Variants in CNTNAP2 observed in about 807,000 individuals in gnomAD.
CNTNAP2 encodes contactin-associated protein-like 2.
A neutral mutation model predicts 155.2 loss-of-function variants in CNTNAP2; 98 were observed. The ratio of observed to expected loss-of-function variants is 0.63; its 90% CI spans 0.54 to 0.75. CNTNAP2 has a LOEUF of 0.75. CNTNAP2 is among the 30% of genes least tolerant of loss of function. CNTNAP2 has a pLI of 0.00. For synonymous variants in CNTNAP2, 651 were observed against 631.2 expected, an observed-to-expected ratio of 1.03 and a Z score of -0.47; for missense variants, 1,727 against 1,688.1, an observed-to-expected ratio of 1.02 and a Z score of -0.40.
At chr7:147,273,474 T>A (rs961656322) in intron 8 of CNTNAP2, among the ~76,000 whole-genome samples, 6 of 152,032 alleles carry the variant, frequency 3.9e-5, no homozygotes, top group African/African-American at 1.4e-4. Flanking sequence ...TAGTGATCAT[T>A]GTATCCAACA....
intron 12 of CNTNAP2, among the ~76,000 whole-genome samples, chr7:147,604,728 T>TGAAATTTAGACAAC (rs1229435667): frequency 3.3e-5 from 5 of 152,182 alleles, no homozygotes; most frequent in Non-Finnish European, 7.3e-5. Flanking sequence ...ACTCTGGCAC[T>TGAAATTTAGACAAC]TCTGAAATTT....
intron 20 of CNTNAP2, among the ~76,000 whole-genome samples, chr7:148,260,761 C>G (rs1452945321): frequency 1.3e-5 from 2 of 152,186 alleles, no homozygotes; most frequent in African/African-American, 4.8e-5. Flanking sequence ...CCTGTCTCCT[C>G]TGACAGTCTC....
chr7:147,741,170 G>A (rs1359713854), intron 13 of CNTNAP2, among the ~76,000 whole-genome samples: 2 of 152,178 alleles, frequency 1.3e-5, no homozygotes, highest in Non-Finnish European at 2.9e-5. Context: ...AGAGATTTGG[G>A]TCATTACAGC....
chr7:147,685,616 C>A (rs1213445157), intron 13 of CNTNAP2, among the ~76,000 whole-genome samples: 3 of 151,632 alleles, frequency 2.0e-5, no homozygotes, highest in South Asian at 2.1e-4. Context: ...AAACAGATGA[C>A]AAATCGTCAC....
chr7:147,278,921 T>C (rs77765289), intron 8 of CNTNAP2, among the ~76,000 whole-genome samples: 1,643 of 151,560 alleles, frequency 0.011, 34 homozygotes, highest in African/African-American at 0.037. Flanking sequence ...AAATGGAGCT[T>C]ACATTTTTAA....
chr7:147,857,986 T>C (rs1799069003), intron 13 of CNTNAP2, among the ~76,000 whole-genome samples: 2 of 152,224 alleles, frequency 1.3e-5, no homozygotes, highest in Non-Finnish European at 2.9e-5. Flanking sequence ...GTACGATCTT[T>C]TTAAAACTAT....
intron 1 of CNTNAP2, among the ~76,000 whole-genome samples, chr7:146,317,991 A>T (rs923178046): frequency 6.6e-6 from 1 of 152,088 alleles, no homozygotes; most frequent in Non-Finnish European, 1.5e-5. Flanking sequence ...AATACAAAAA[A>T]TTAGCCAGGT....
At position 146,224,331 on chromosome 7, in the gene CNTNAP2, C is replaced by T. The variant is rs1033154560; in HGVS notation, c.97+107358C>T. 7.3e-5 allele frequency among the ~76,000 whole-genome samples: 11 copies of T among 151,496 alleles called. 1 individual carries two copies. Among genetic ancestry groups the T allele is most frequent in the Middle Eastern group, 6.8e-3 (2 of 294 alleles). On this transcript the variant is annotated intron_variant, in intron 1 of 23. Coordinates refer to ENST00000361727, the MANE Select transcript of CNTNAP2 (RefSeq NM_014141.6). ...TACTCTTATAAGATGTTATAATTGA[C>T]GGTTTTATTGTAATACAATAGCGAT...
chr7:147,753,599 G>GA (rs141642745), intron 13 of CNTNAP2, among the ~76,000 whole-genome samples: 3,075 of 152,228 alleles, frequency 0.02, 78 homozygotes, highest in African/African-American at 0.069. Context: ...AAGAAATTTG[G>GA]AAAAAATTTA....
At chr7:146,940,735 A>T (rs1440304658) in intron 3 of CNTNAP2, among the ~76,000 whole-genome samples, 2 of 151,908 alleles carry the variant, frequency 1.3e-5, no homozygotes, top group Admixed American at 6.6e-5. Flanking sequence ...GTGTATATAT[A>T]TACACACACA....
intron 1 of CNTNAP2, among the ~76,000 whole-genome samples, chr7:146,438,041 C>T (rs908336193): frequency 2.0e-5 from 3 of 151,386 alleles, no homozygotes; most frequent in Non-Finnish European, 4.4e-5. Flanking sequence ...ATAGGGTTAA[C>T]AATATACACA....
At chr7:146,190,879 A>T (rs1166392418) in intron 1 of CNTNAP2, among the ~76,000 whole-genome samples, 1 of 152,150 alleles carries the variant, frequency 6.6e-6, no homozygotes, top group East Asian at 1.9e-4. Flanking sequence ...AATGTCATTC[A>T]TGTTTTCCCT....
chr7:146,894,036 T>A (rs1022871633), intron 3 of CNTNAP2, among the ~76,000 whole-genome samples: 8 of 152,194 alleles, frequency 5.3e-5, no homozygotes, highest in Non-Finnish European at 7.4e-5. Context: ...CTATAGAAAC[T>A]GTGAAAGGAC....
chr7:148,390,830 T>C (rs1408517710), intron 22 of CNTNAP2, among the ~76,000 whole-genome samples: 1 of 152,194 alleles, frequency 6.6e-6, no homozygotes, highest in African/African-American at 2.4e-5. Flanking sequence ...CCAATGTCCT[T>C]TGGGCTCTAT....
intron 1 of CNTNAP2, among the ~76,000 whole-genome samples, chr7:146,396,895 A>T (rs925436953): frequency 1.3e-5 from 2 of 152,070 alleles, no homozygotes; most frequent in Non-Finnish European, 2.9e-5. Flanking sequence ...TATTCCTTTG[A>T]TACATTCATA....
intron 11 of CNTNAP2, among the ~76,000 whole-genome samples, chr7:147,545,173 A>G (rs1761940339): frequency 6.6e-6 from 1 of 152,176 alleles, no homozygotes; most frequent in African/African-American, 2.4e-5. Flanking sequence ...TAAGATAAAA[A>G]TATTCCCTGA....
chr7:146,964,713 T>A (rs1797621774), intron 3 of CNTNAP2, among the ~76,000 whole-genome samples: 1 of 152,212 alleles, frequency 6.6e-6, no homozygotes, highest in Non-Finnish European at 1.5e-5. Context: ...GTTCACAAAC[T>A]CTTTCTGCAA....
At chr7:147,167,220 C>T (rs1327050915) in intron 8 of CNTNAP2, 1 of 334,158 alleles carries the variant, frequency 3.0e-6, no homozygotes, top group Non-Finnish European at 5.4e-6. Context: ...GCCAGGATTC[C>T]CAGAAAGATG....
intron 1 of CNTNAP2, among the ~76,000 whole-genome samples, chr7:146,475,006 C>T (rs891792393): frequency 7.8e-6 from 1 of 127,584 alleles, no homozygotes; most frequent in Non-Finnish European, 1.6e-5. Context: ...CGCACGCGCG[C>T]GCGCGCGCAC....
Sources: gnomAD v4.1 joint callset for allele counts (sites outside exome capture counted in the v4.1 genomes callset) on GRCh38, gnomAD v4.1.1 for gene constraint, MANE v1.5 for transcripts, NCBI Gene and HGNC (gene_info 2026-07-23, HGNC 2026-07-21) for gene names.